SDK1: variants seen among roughly 807,000 people sequenced by gnomAD.
SDK1 encodes sidekick cell adhesion molecule 1.
Under a neutral mutation model 245.5 loss-of-function variants are expected in SDK1, and 157 were observed. That is an observed-to-expected ratio of 0.64 (90% CI 0.56 to 0.73). The LOEUF (loss-of-function observed/expected upper bound fraction) is 0.73, where lower values mean the gene tolerates loss of function less well. SDK1 is among the 30% of genes least tolerant of loss of function. The pLI is 0.00. For missense variants in SDK1, 3,583 were observed against 3,002.3 expected, an observed-to-expected ratio of 1.19 and a Z score of -4.52; for synonymous variants, 1,647 against 1,278.5, an observed-to-expected ratio of 1.29 and a Z score of -6.15.
chr7:4,268,049 G>A lies in SDK1; in HGVS notation c.*2665G>A, dbSNP rs990504622. On this transcript the variant is annotated 3_prime_UTR_variant, in exon 45 of 45. Coordinates refer to ENST00000404826, the MANE Select transcript of SDK1 (RefSeq NM_152744.4). Reference sequence around the variant, plus strand: ...AGATGGAGGTTGGATTTTAATCTCGGTTTTAAAAAGAGGACAAACAAAATG... The same window carrying A: ...AGATGGAGGTTGGATTTTAATCTCGATTTTAAAAAGAGGACAAACAAAATG... The A allele has an allele frequency of 1.3e-5, 13 of 985,240 alleles. No homozygotes were observed. In the African/African-American group the frequency reaches 2.1e-4, roughly 16 times the overall value. 61.0% of individuals were successfully genotyped at this position (985,240 alleles called of 1,614,324 possible).
intron 35 of SDK1, among the ~76,000 whole-genome samples, chr7:4,198,310 A>C (rs1025083699): frequency 6.6e-6 from 1 of 152,144 alleles, no homozygotes; most frequent in African/African-American, 2.4e-5. Context: ...TGCACCCCTG[A>C]CAGCTGTAGG....
At chr7:4,196,462 G>A (rs772155606) in intron 35 of SDK1, among the ~76,000 whole-genome samples, 1 of 152,180 alleles carries the variant, frequency 6.6e-6, no homozygotes, top group African/African-American at 2.4e-5. Flanking sequence ...TCCCCTGGAC[G>A]TGCGGTGCCG....
intron 4 of SDK1, among the ~76,000 whole-genome samples, chr7:3,686,121 G>C (rs2010395): frequency 6.6e-6 from 1 of 152,178 alleles, no homozygotes; most frequent in Non-Finnish European, 1.5e-5. Context: ...TGTTGCCCAT[G>C]CTGGAGCACA....
intron 17 of SDK1, among the ~76,000 whole-genome samples, chr7:4,022,776 C>CTTTTTT (rs770558246): frequency 2.2e-5 from 3 of 138,168 alleles, no homozygotes; most frequent in African/African-American, 8.3e-5. Flanking sequence ...TTCTTTCTTT[C>CTTTTTT]TTTTTTTTTT....
chr7:3,690,726 A>T (rs74986605), intron 4 of SDK1, among the ~76,000 whole-genome samples: 267 of 152,320 alleles, frequency 1.8e-3, no homozygotes, highest in Non-Finnish European at 2.8e-3. Context: ...CATTATACTG[A>T]TATATTTTTC....
intron 4 of SDK1, among the ~76,000 whole-genome samples, chr7:3,808,499 G>A (rs1462802689): frequency 6.6e-6 from 1 of 152,194 alleles, no homozygotes; most frequent in African/African-American, 2.4e-5. Context: ...TCCCAGCACA[G>A]GTGTAAATAA....
chr7:3,413,217 G>A (rs1260617463), intron 1 of SDK1, among the ~76,000 whole-genome samples: 3 of 152,148 alleles, frequency 2.0e-5, no homozygotes, highest in South Asian at 2.1e-4. Context: ...TGAGCCAAGA[G>A]TAGGCCTAGT....
intron 44 of SDK1, among the ~76,000 whole-genome samples, chr7:4,248,636 G>A (rs185160305): frequency 3.5e-4 from 52 of 150,186 alleles, no homozygotes; most frequent in Non-Finnish European, 5.8e-4. Context: ...ACACACACAT[G>A]TACACATACC....
intron 5 of SDK1, among the ~76,000 whole-genome samples, chr7:3,826,806 G>T (rs1779787275): frequency 6.6e-6 from 1 of 152,052 alleles, no homozygotes; most frequent in African/African-American, 2.4e-5. Flanking sequence ...TTTCCTTCTT[G>T]GGCTTTCGGT....
At chr7:4,077,242 C>T in intron 21 of SDK1, 53 bp downstream of exon 21, 1 of 1,550,314 alleles carries the variant, frequency 6.5e-7, no homozygotes, top group Non-Finnish European at 8.8e-7. Flanking sequence ...TTGGAGATTC[C>T]CGAGGCTAGA....
intron 22 of SDK1, among the ~76,000 whole-genome samples, chr7:4,097,000 C>T (rs1037511430): frequency 2.6e-5 from 4 of 152,342 alleles, no homozygotes; most frequent in East Asian, 1.9e-4. Context: ...ATCACAAACT[C>T]GCACAGCTTG....
chr7:3,310,106 G>A (rs912135120), intron 1 of SDK1, among the ~76,000 whole-genome samples: 2 of 152,166 alleles, frequency 1.3e-5, no homozygotes, highest in Admixed American at 6.5e-5. Flanking sequence ...TCATCTCTCA[G>A]TTTGCTTCTG....
chr7:4,049,467 C>A lies in SDK1; in HGVS notation c.2718+4C>A. On this transcript the variant is annotated splice_donor_region_variant and intron_variant, in intron 18 of 44. Transcript: ENST00000404826. ...TGGCATCAACCAGGGATACAAGGTA[C>A]GTGGCCTGGGTTCAGGGCCTGTGGG... 2 of 1,607,928 alleles carry A rather than the reference C, an allele frequency of 1.2e-6. No homozygotes were observed. The highest frequency in any genetic ancestry group is 1.7e-6 in the Non-Finnish European group (2 of 1,174,438).
chr7:3,644,790 AAAC>A (rs1782772890), intron 4 of SDK1, among the ~76,000 whole-genome samples: 6 of 141,884 alleles, frequency 4.2e-5, no homozygotes, highest in Middle Eastern at 3.4e-3. Flanking sequence ...AAAAAAAAAA[AAAC>A]AAAAAACAAC....
At chr7:4,231,356 C>A (rs1249620342) in intron 40 of SDK1, among the ~76,000 whole-genome samples, 3 of 150,756 alleles carry the variant, frequency 2.0e-5, no homozygotes, top group Non-Finnish European at 4.4e-5. Context: ...TTGAGCTCGG[C>A]AGTTCGAGCC....
At chr7:3,549,622 G>C (rs1050065568) in intron 1 of SDK1, among the ~76,000 whole-genome samples, 3 of 152,208 alleles carry the variant, frequency 2.0e-5, no homozygotes, top group Non-Finnish European at 4.4e-5. Context: ...TCTCAGGGCA[G>C]AGCATGTTTT....
At chr7:4,265,048 G>A (rs535351393) in intron 44 of SDK1, 76 bp from the exon 45 acceptor site, 8 of 1,546,946 alleles carry the variant, frequency 5.2e-6, no homozygotes, top group South Asian at 3.6e-5. Flanking sequence ...TGCCCCCACC[G>A]CCAGGCCTCC....
chr7:3,841,285 A>T (rs1429122429), intron 5 of SDK1, among the ~76,000 whole-genome samples: 1 of 152,194 alleles, frequency 6.6e-6, no homozygotes, highest in African/African-American at 2.4e-5. Flanking sequence ...ACAACTTCGC[A>T]GCTGTTTGCA....
rs539254620 is a variant in SDK1 at position 3,820,192 on chromosome 7, C to T, written c.714-1258C>T. 2.6e-5 allele frequency among the ~76,000 whole-genome samples: 4 copies of T among 152,250 alleles called. No homozygotes were observed. The South Asian group carries it at 8.3e-4, about 32-fold the overall frequency. ...TTGAGACAGAGTCTTGCTCTGTCAC[C>T]AGGCTGGGGTGTGGCGGCGTGATCT... is the stretch of plus-strand genomic sequence containing the variant. On this transcript the variant is annotated intron_variant, in intron 4 of 44. Transcript: ENST00000404826.
Sources: gnomAD v4.1 joint callset for allele counts (sites outside exome capture counted in the v4.1 genomes callset) on GRCh38, gnomAD v4.1.1 for gene constraint, MANE v1.5 for transcripts, NCBI Gene and HGNC (gene_info 2026-07-23, HGNC 2026-07-21) for gene names.